The following GRID2 variants were observed in gnomAD, a reference collection of about 807,000 sequenced individuals.
The protein encoded by GRID2 is glutamate ionotropic receptor delta type subunit 2, also known as glutamate receptor ionotropic, delta-2.
Under a neutral mutation model 114.8 loss-of-function variants are expected in GRID2, and 33 were observed. The observed-to-expected ratio is 0.29, with a 90% CI of 0.22 to 0.38. GRID2 has a LOEUF of 0.38. GRID2 is among the 10% of genes least tolerant of loss of function. The pLI, the probability that GRID2 is intolerant of heterozygous loss-of-function variation, is 1.00. For synonymous variants in GRID2, 505 were observed against 449.9 expected, an observed-to-expected ratio of 1.12 and a Z score of -1.55; for missense variants, 1,184 against 1,257.7, an observed-to-expected ratio of 0.94 and a Z score of 0.89.
chr4:92,533,446 C>T (rs1725451401), intron 1 of GRID2, among the ~76,000 whole-genome samples: 1 of 149,904 alleles, frequency 6.7e-6, no homozygotes, highest in African/African-American at 2.5e-5. Flanking sequence ...AGTACTAGGA[C>T]ACATACATAC....
At chr4:92,867,091 C>T (rs943203557) in intron 2 of GRID2, among the ~76,000 whole-genome samples, 6 of 151,728 alleles carry the variant, frequency 4.0e-5, no homozygotes, top group Non-Finnish European at 8.8e-5. Context: ...TTAAGAATAC[C>T]GATACTGTAT....
At chr4:93,146,629 G>A (rs1296067383) in intron 4 of GRID2, among the ~76,000 whole-genome samples, 2 of 151,624 alleles carry the variant, frequency 1.3e-5, no homozygotes, top group Admixed American at 1.3e-4. Context: ...GAGAAAGAGA[G>A]AAAGAAAGAA....
chr4:93,720,782 C>T (rs976360060), intron 14 of GRID2, among the ~76,000 whole-genome samples: 6 of 152,112 alleles, frequency 3.9e-5, no homozygotes, highest in Non-Finnish European at 8.8e-5. Context: ...TAGAGTTCTG[C>T]GTAAACATAA....
At chr4:92,687,288 C>G (rs1733954154) in intron 2 of GRID2, among the ~76,000 whole-genome samples, 1 of 151,004 alleles carries the variant, frequency 6.6e-6, no homozygotes, top group Non-Finnish European at 1.5e-5. Context: ...AATGAAGATA[C>G]TGTTGACTAT....
chr4:93,785,946 T>C (rs2110354685), intron 1 of GRID2, among the ~76,000 whole-genome samples: 1 of 152,300 alleles, frequency 6.6e-6, no homozygotes, highest in South Asian at 2.1e-4. Flanking sequence ...CCAAGGAATA[T>C]GTGGGTCTAT....
chr4:93,375,903 A>T (rs1763334862), intron 8 of GRID2, among the ~76,000 whole-genome samples: 1 of 152,122 alleles, frequency 6.6e-6, no homozygotes, highest in South Asian at 2.1e-4. Flanking sequence ...GGCTGAAACG[A>T]CAAAAATTTG....
At chr4:93,672,226 C>T (rs1578527876) in intron 14 of GRID2, among the ~76,000 whole-genome samples, 2 of 152,176 alleles carry the variant, frequency 1.3e-5, no homozygotes, top group South Asian at 2.1e-4. Flanking sequence ...CCCCTGACCC[C>T]ATTTTCTGGG....
At chr4:93,268,779 C>T (rs918735581) in intron 8 of GRID2, among the ~76,000 whole-genome samples, 4 of 149,482 alleles carry the variant, frequency 2.7e-5, no homozygotes, top group Non-Finnish European at 4.5e-5. Context: ...TATCTTGTCT[C>T]GAAAAATATA....
chr4:92,336,975 T>C (rs1032575167), intron 1 of GRID2, among the ~76,000 whole-genome samples: 8 of 146,170 alleles, frequency 5.5e-5, no homozygotes, highest in African/African-American at 1.5e-4. Context: ...TTTTTTTTTT[T>C]CATGAATTTT....
At chr4:92,617,788 TAG>T (rs1730074571) in intron 2 of GRID2, among the ~76,000 whole-genome samples, 2 of 151,834 alleles carry the variant, frequency 1.3e-5, no homozygotes, top group South Asian at 4.1e-4. Flanking sequence ...GTATACTTGC[TAG>T]ACATTTATAT....
At chr4:92,320,232 T>C (rs550278912) in intron 1 of GRID2, among the ~76,000 whole-genome samples, 5 of 152,198 alleles carry the variant, frequency 3.3e-5, no homozygotes, top group South Asian at 2.1e-4. Context: ...TTATTTTTCA[T>C]AGTGGTCAAT....
chr4:93,138,351 G>A (rs1250928521), intron 4 of GRID2, among the ~76,000 whole-genome samples: 1 of 152,036 alleles, frequency 6.6e-6, no homozygotes, highest in East Asian at 1.9e-4. Context: ...ACACACCTAA[G>A]AATATTATGG....
At chr4:92,461,001 C>T (rs1170666427) in intron 1 of GRID2, among the ~76,000 whole-genome samples, 2 of 151,544 alleles carry the variant, frequency 1.3e-5, no homozygotes, top group Admixed American at 6.6e-5. Flanking sequence ...TCATATGTAT[C>T]TATTTTACCA....
chr4:92,322,936 A>G (rs904168314), intron 1 of GRID2, among the ~76,000 whole-genome samples: 1 of 152,078 alleles, frequency 6.6e-6, no homozygotes, highest in Non-Finnish European at 1.5e-5. Context: ...TAAAAATCAG[A>G]ATCTAGTGCC....
At chr4:92,950,571 T>G (rs1406710228) in intron 2 of GRID2, among the ~76,000 whole-genome samples, 2 of 152,134 alleles carry the variant, frequency 1.3e-5, no homozygotes, top group East Asian at 3.9e-4. Context: ...ATCTCCTACT[T>G]CAGTCCCAGA....
chr4:93,387,285 C>A (rs776233318), intron 8 of GRID2, among the ~76,000 whole-genome samples: 22 of 152,122 alleles, frequency 1.4e-4, no homozygotes, highest in Non-Finnish European at 2.6e-4. Flanking sequence ...TATAACTGTT[C>A]AGATTATAGC....
intron 14 of GRID2, among the ~76,000 whole-genome samples, chr4:93,724,528 A>C (rs1015838229): frequency 1.3e-5 from 2 of 152,166 alleles, no homozygotes; most frequent in Non-Finnish European, 2.9e-5. Context: ...TCATAAAAAC[A>C]TTACCAAATT....
chr4:93,200,293 G>A (rs1741936674), intron 4 of GRID2, among the ~76,000 whole-genome samples: 1 of 152,190 alleles, frequency 6.6e-6, no homozygotes, highest in Non-Finnish European at 1.5e-5. Context: ...TAGGCCGGGT[G>A]CGGTGGCTCA....
At chr4:93,273,476 A>ATG (rs1282210118) in intron 8 of GRID2, among the ~76,000 whole-genome samples, 1 of 138,188 alleles carries the variant, frequency 7.2e-6, no homozygotes, top group African/African-American at 2.7e-5. Context: ...CCCCCAAAAA[A>ATG]TATCCATGCC....
Sources: allele counts gnomAD v4.1 joint callset (sites outside exome capture counted in the v4.1 genomes callset), GRCh38; gene constraint gnomAD v4.1.1; transcripts MANE v1.5; gene names NCBI Gene and HGNC (gene_info 2026-07-23, HGNC 2026-07-21).